The following HAUS1 variants were observed in gnomAD, a reference collection of about 807,000 sequenced individuals.
HAUS1 encodes HAUS augmin like complex subunit 1, also known as HAUS augmin-like complex subunit 1.
Under a neutral mutation model 38.6 loss-of-function variants are expected in HAUS1, and 25 were observed. The ratio of observed to expected loss-of-function variants is 0.65; its 90% CI spans 0.47 to 0.91. The LOEUF is 0.91. Ranked by LOEUF, HAUS1 falls within the 40% of genes least tolerant of loss-of-function variation. The pLI is 0.00. For missense variants in HAUS1, 325 were observed against 328.4 expected (o/e 0.99, Z 0.08); for synonymous variants, 109 against 112.9 (o/e 0.97, Z 0.22).
At chr18:46,124,661 C>T (rs1476591250) in intron 6 of HAUS1, among the ~76,000 whole-genome samples, 161 bp from the exon 7 acceptor site, 4 of 151,852 alleles carry the variant, frequency 2.6e-5, no homozygotes, top group Non-Finnish European at 5.9e-5. Flanking sequence ...GTGTTGTTTC[C>T]ATTTGGAGTG....
At chr18:46,114,845 C>A (rs913405934) in intron 2 of HAUS1, among the ~76,000 whole-genome samples, 9 of 152,122 alleles carry the variant, frequency 5.9e-5, no homozygotes, top group Non-Finnish European at 1.3e-4. Flanking sequence ...AGTGTCCTTA[C>A]TGAGTTTTTA....
At chr18:46,125,969 A>T in intron 8 of HAUS1, 178 bp downstream of exon 8, 1 of 502,248 alleles carries the variant, frequency 2.0e-6, no homozygotes, top group Non-Finnish European at 3.5e-6. Flanking sequence ...GTGTGTATAT[A>T]TTTTTTCCAT....
At chr18:46,123,536 A>G (rs950213449) in intron 6 of HAUS1, among the ~76,000 whole-genome samples, 172 bp downstream of exon 6, 1 of 152,158 alleles carries the variant, frequency 6.6e-6, no homozygotes, top group African/African-American at 2.4e-5. Flanking sequence ...GTTTAGCTGT[A>G]TATGCCCTCA....
At position 46,116,130 on chromosome 18, in the gene HAUS1, A is replaced by AG. The variant is rs1292217361; in HGVS notation, c.206-2046dup. 2.0e-5 allele frequency among the ~76,000 whole-genome samples: 3 copies of AG among 151,404 alleles called. No individual in the cohort carries two copies. The East Asian group carries it at 5.8e-4, about 29-fold the overall frequency. On this transcript the variant is annotated intron_variant, in intron 2 of 8. Coordinates refer to ENST00000282058, the MANE Select transcript of HAUS1 (RefSeq NM_138443.4). The stretch of plus-strand genomic sequence containing the variant: ...GAAAAAGGGAAGGGAAGGGGAGGGG[A>AG]GGGGGAAAAAGGAAAGAAAGAAAGG...
At chr18:46,126,333 C>T (rs1334243385) in intron 8 of HAUS1, among the ~76,000 whole-genome samples, 1 of 151,956 alleles carries the variant, frequency 6.6e-6, no homozygotes, top group Non-Finnish European at 1.5e-5. Context: ...TGTACATTTC[C>T]CTAGTGGAAA....
intron 2 of HAUS1, chr18:46,106,564 A>C (rs1464643446): frequency 6.6e-6 from 1 of 152,212 alleles, no homozygotes; most frequent in Non-Finnish European, 1.5e-5. Flanking sequence ...AAATCTTTTT[A>C]GATACGAGAA....
At chr18:46,107,457 AT>A (rs2144243840) in intron 2 of HAUS1, among the ~76,000 whole-genome samples, 1 of 152,274 alleles carries the variant, frequency 6.6e-6, no homozygotes, top group East Asian at 1.9e-4. Context: ...TGTATGCAAA[AT>A]TTTAACACAA....
At position 46,109,510 on chromosome 18, in the gene HAUS1, A is replaced by G. The variant is rs575072713; in HGVS notation, c.205+4142A>G. The G allele has an allele frequency of 5.9e-5, 9 of 152,186 alleles. No individual in the cohort carries two copies. The East Asian group carries it at 1.2e-3, about 20-fold the overall frequency. 9.4% of individuals were successfully genotyped at this position (152,186 alleles called of 1,614,324 possible). On this transcript the variant is annotated intron_variant, in intron 2 of 8. Coordinates refer to ENST00000282058, the MANE Select transcript of HAUS1 (RefSeq NM_138443.4). ...GCATTATTTTGATCCTTTTAAATGT[A>G]TTGACATTTGTTTTATGGCCTAGCA...
chr18:46,117,636 G>A (rs569396770), intron 2 of HAUS1, among the ~76,000 whole-genome samples: 39 of 152,088 alleles, frequency 2.6e-4, no homozygotes, highest in Non-Finnish European at 5.0e-4. Context: ...GCAACCTAGC[G>A]AGATCTAGTC....
intron 3 of HAUS1, 116 bp downstream of exon 3, chr18:46,118,432 T>C: frequency 1.1e-6 from 1 of 897,314 alleles, no homozygotes; most frequent in African/African-American, 1.7e-5. Flanking sequence ...AAGCACTGAA[T>C]TTAGTTACTT....
chr18:46,121,068 TC>T (rs1177981166), intron 4 of HAUS1, among the ~76,000 whole-genome samples: 35 of 152,358 alleles, frequency 2.3e-4, no homozygotes, highest in Admixed American at 2.0e-3. Context: ...GGCCTATAGA[TC>T]AGGAGTATGT....
At chr18:46,118,034 T>C (rs1194431562) in intron 2 of HAUS1, 147 bp from the exon 3 acceptor site, 2 of 653,422 alleles carry the variant, frequency 3.1e-6, no homozygotes, top group Non-Finnish European at 5.4e-6. Flanking sequence ...GAATAGGTTG[T>C]ACTGATGGGG....
intron 2 of HAUS1, among the ~76,000 whole-genome samples, chr18:46,106,080 T>C (rs1016831650): frequency 6.6e-6 from 1 of 152,138 alleles, no homozygotes; most frequent in Non-Finnish European, 1.5e-5. Flanking sequence ...ACACCTGAGG[T>C]GGTGGCCATG....
intron 2 of HAUS1, among the ~76,000 whole-genome samples, chr18:46,112,202 C>CA (rs1337209928): frequency 6.9e-6 from 1 of 144,898 alleles, no homozygotes; most frequent in East Asian, 2.0e-4. Flanking sequence ...TTCCTTTGTT[C>CA]TTTTTTTCTC....
chr18:46,109,729 C>T (rs551548842), intron 2 of HAUS1: 1 of 152,108 alleles, frequency 6.6e-6, no homozygotes, highest in East Asian at 1.9e-4. Context: ...TCAAGCAATT[C>T]TCCTGACTCA....
chr18:46,105,394 C>T (rs200433927), intron 2 of HAUS1, 26 bp downstream of exon 2: 4 of 1,593,544 alleles, frequency 2.5e-6, no homozygotes, highest in African/African-American at 1.3e-5. Flanking sequence ...GAGTTTTGAA[C>T]GAGAATAAAT....
At chr18:46,120,727 A>C (rs1260247734) in intron 4 of HAUS1, among the ~76,000 whole-genome samples, 2 of 151,768 alleles carry the variant, frequency 1.3e-5, no homozygotes, top group Non-Finnish European at 2.9e-5. Context: ...CTGGGACTAC[A>C]GGTGTGCACC....
chr18:46,121,364 G>T (rs1469609369), intron 4 of HAUS1, among the ~76,000 whole-genome samples: 1 of 151,918 alleles, frequency 6.6e-6, no homozygotes, highest in Non-Finnish European at 1.5e-5. Flanking sequence ...TAATTTCTTT[G>T]TATTTTTAGC....
chr18:46,127,809 A>G (rs1030676623), intron 8 of HAUS1, among the ~76,000 whole-genome samples: 1 of 151,916 alleles, frequency 6.6e-6, no homozygotes, highest in Admixed American at 6.6e-5. Flanking sequence ...ATATGTCGTT[A>G]CAGATTTCTC....
Sources: allele counts gnomAD v4.1 joint callset (sites outside exome capture counted in the v4.1 genomes callset), GRCh38; gene constraint gnomAD v4.1.1; transcripts MANE v1.5; gene names NCBI Gene and HGNC (gene_info 2026-07-23, HGNC 2026-07-21).